Variants in CR1L observed in about 807,000 individuals in gnomAD.
CR1L encodes complement C3b/C4b receptor 1 like, also known as complement component receptor 1-like protein.
CR1L carries 59 observed loss-of-function variants against 62.3 expected under a neutral mutation model. The ratio of observed to expected loss-of-function variants is 0.95; its 90% CI spans 0.77 to 1.18. CR1L has a LOEUF of 1.18. CR1L is among the 50% of genes most tolerant of loss of function. The pLI, the probability that CR1L is intolerant of heterozygous loss-of-function variation, is 0.00. For synonymous variants in CR1L, 279 were observed against 248.7 expected (o/e 1.12, Z -1.15); for missense variants, 700 against 702.8 (o/e 1.00, Z 0.04).
intron 7 of CR1L, 48 bp downstream of exon 7, chr1:207,697,921 G>C (rs537311282): frequency 6.2e-7 from 1 of 1,610,958 alleles, no homozygotes; most frequent in Non-Finnish European, 8.5e-7. Context: ...TTGGGGTTAG[G>C]AATTAGTCCA....
chr1:207,677,794 G>C (rs971896175), intron 2 of CR1L, among the ~76,000 whole-genome samples: 4 of 152,122 alleles, frequency 2.6e-5, no homozygotes, highest in African/African-American at 7.2e-5. Flanking sequence ...CATGATTGAG[G>C]GAAAACCCCC....
chr1:207,708,138 G>C (rs527333936), intron 9 of CR1L, 40 bp from the exon 10 acceptor site: 1 of 1,324,100 alleles, frequency 7.6e-7, no homozygotes, highest in East Asian at 2.9e-5. Context: ...AAGTTGATGA[G>C]GTATGTACAG....
chr1:207,666,877 A>C (rs1423757385), intron 1 of CR1L, among the ~76,000 whole-genome samples: 2 of 152,182 alleles, frequency 1.3e-5, no homozygotes, highest in Non-Finnish European at 2.9e-5. Context: ...CCCTGCATGG[A>C]TATGGATCAT....
chr1:207,654,265 C>T (rs1663272154), intron 1 of CR1L, among the ~76,000 whole-genome samples: 1 of 152,190 alleles, frequency 6.6e-6, no homozygotes, highest in South Asian at 2.1e-4. Flanking sequence ...GCACTGTGAC[C>T]ATGTAAGGCA....
intron 4 of CR1L, among the ~76,000 whole-genome samples, chr1:207,687,119 CTG>C (rs1663924185): frequency 6.6e-6 from 1 of 152,198 alleles, no homozygotes; most frequent in Non-Finnish European, 1.5e-5. Flanking sequence ...AGAGATTAGA[CTG>C]TAATTTTCTT....
intron 1 of CR1L, among the ~76,000 whole-genome samples, chr1:207,655,813 A>G (rs1271233264): frequency 6.6e-6 from 1 of 152,250 alleles, no homozygotes; most frequent in Admixed American, 6.5e-5. Context: ...CAATTTTCCA[A>G]AACAAAATAA....
chr1:207,693,387 A>T (rs1167729902), intron 4 of CR1L, among the ~76,000 whole-genome samples: 1 of 152,190 alleles, frequency 6.6e-6, no homozygotes, highest in Non-Finnish European at 1.5e-5. Context: ...CAAAGTGCTA[A>T]GATTACAGGC....
chr1:207,705,114 C>T (rs528337039), intron 9 of CR1L, among the ~76,000 whole-genome samples: 3 of 152,196 alleles, frequency 2.0e-5, no homozygotes, highest in Non-Finnish European at 4.4e-5. Context: ...TCTTCTGTTG[C>T]TGTCCTCAGA....
At chr1:207,683,847 A>G in intron 3 of CR1L, 25 bp from the exon 4 acceptor site, 2 of 1,601,740 alleles carry the variant, frequency 1.2e-6, no homozygotes, top group Non-Finnish European at 1.7e-6. Context: ...TTTAGAATGT[A>G]ACATTCCTTA....
intron 1 of CR1L, among the ~76,000 whole-genome samples, chr1:207,655,860 C>T (rs1396396687): frequency 2.0e-5 from 3 of 152,130 alleles, no homozygotes; most frequent in Non-Finnish European, 4.4e-5. Context: ...ACATTTTTTG[C>T]ACATCTCTTC....
rs1223547635 is a variant in CR1L, at chr1:207,648,466, A to G, written c.97+3136A>G. 3.9e-5 allele frequency among the ~76,000 whole-genome samples: 6 copies of G among 152,310 alleles called. 1 individual carries two copies. Among genetic ancestry groups the G allele is most frequent in the Middle Eastern group, 3.4e-3 (1 of 294 alleles). On this transcript the variant is annotated intron_variant, in intron 1 of 11. Transcript: ENST00000508064. ...AGAGAATACATGAATTAAAATAAAC[A>G]TTCAATTTTTGGAGCAACTCACTCT...
intron 1 of CR1L, among the ~76,000 whole-genome samples, chr1:207,646,564 A>G (rs1437408070): frequency 6.6e-6 from 1 of 152,016 alleles, no homozygotes; most frequent in Non-Finnish European, 1.5e-5. Flanking sequence ...TAAAAAAATT[A>G]GATGGGCATG....
chr1:207,656,328 C>G (rs1663310398), intron 1 of CR1L, among the ~76,000 whole-genome samples: 1 of 152,152 alleles, frequency 6.6e-6, no homozygotes, highest in Non-Finnish European at 1.5e-5. Context: ...TTGTGAATCA[C>G]CAATTTAGAA....
rs921474173 is a variant in CR1L at position 207,671,305 on chromosome 1, G to A, written c.98-6084G>A. Among the ~76,000 whole-genome samples the A allele has an allele frequency of 4.0e-5, 6 of 150,964 alleles. 1 individual carries two copies. The highest frequency in any genetic ancestry group is 1.5e-4 in the African/African-American group (6 of 40,278). Reference sequence around the variant, plus strand: ...AGACTGCAGGATCACTGAAAAGGGAGAAATCTCAACTCCTATGATCAGGAA... The same window carrying A: ...AGACTGCAGGATCACTGAAAAGGGAAAAATCTCAACTCCTATGATCAGGAA... On this transcript the variant is annotated intron_variant, in intron 1 of 11. Transcript: ENST00000508064.
chr1:207,710,693 C>T (rs2102479214), intron 10 of CR1L: 1 of 1,610,102 alleles, frequency 6.2e-7, no homozygotes, highest in Non-Finnish European at 8.5e-7. Context: ...GTTTAGGTGT[C>T]AGCCTGGCTT....
chr1:207,709,832 CAA>C (rs11452067), intron 10 of CR1L, among the ~76,000 whole-genome samples: 11 of 122,124 alleles, frequency 9.0e-5, no homozygotes, highest in Admixed American at 4.5e-4. Context: ...GACTCTGTCT[CAA>C]AAAAAAAAAA....
At chr1:207,682,187 G>T (rs1450960593) in intron 3 of CR1L, among the ~76,000 whole-genome samples, 2 of 152,006 alleles carry the variant, frequency 1.3e-5, no homozygotes, top group African/African-American at 2.4e-5. Flanking sequence ...AAAACAAAAT[G>T]AGTCCAGGCG....
intron 10 of CR1L, among the ~76,000 whole-genome samples, chr1:207,711,808 A>T (rs185606943): frequency 2.0e-3 from 304 of 152,062 alleles, no homozygotes; most frequent in Middle Eastern, 0.01. Context: ...CTGAGGCAGG[A>T]GAATCACTTG....
At chr1:207,714,813 C>T (rs1328151227) in intron 10 of CR1L, among the ~76,000 whole-genome samples, 1 of 152,162 alleles carries the variant, frequency 6.6e-6, no homozygotes, top group Non-Finnish European at 1.5e-5. Context: ...CATGGTTCAG[C>T]ATGCTTCTGT....
Sources: gnomAD v4.1 joint callset for allele counts (sites outside exome capture counted in the v4.1 genomes callset) on GRCh38, gnomAD v4.1.1 for gene constraint, MANE v1.5 for transcripts, NCBI Gene and HGNC (gene_info 2026-07-23, HGNC 2026-07-21) for gene names.